Variants in TMPRSS15 observed in about 807,000 individuals in gnomAD.
TMPRSS15 encodes the protein transmembrane serine protease 15.
In TMPRSS15, 128 loss-of-function variants were observed where a neutral mutation model predicts 125.3. The observed-to-expected ratio is 1.02, with a 90% CI of 0.89 to 1.18. The LOEUF (loss-of-function observed/expected upper bound fraction) is 1.18. Among genes scored for constraint, TMPRSS15 ranks in the 50% most tolerant of loss-of-function variants. TMPRSS15 has a pLI of 0.00. For synonymous variants in TMPRSS15, 446 were observed against 423.2 expected (o/e 1.05, Z -0.66); for missense variants, 1,283 against 1,212.7 (o/e 1.06, Z -0.86).
In TMPRSS15 at chr21:18,341,449, G is replaced by T; in HGVS notation, c.1528C>A (p.Pro510Thr). 6.2e-7 allele frequency: 1 copy of T among 1,614,104 alleles called. No individual in the cohort carries two copies. The highest frequency in any genetic ancestry group is 8.5e-7 in the Non-Finnish European group (1 of 1,180,010). The change falls in exon 13 of 25, where the codon CCA becomes ACA. Residue 510 changes from proline to threonine, a missense_variant. Physicochemically the swap from Pro to Thr is conservative, Grantham distance 38 (BLOSUM62 -1). Transcript: ENST00000284885. Reference protein sequence around the residue: ...GICNGSLYPEPTLVPTPPPEL... With the variant: ...GICNGSLYPETTLVPTPPPEL... ...GGTGGAGGAGTTGGCACCAAAGTTG[G>T]TTCTGGATAAAGACTCCCATTGCAA...
At chr21:18,285,305 T>C (rs1421443246) in intron 21 of TMPRSS15, among the ~76,000 whole-genome samples, 2 of 152,196 alleles carry the variant, frequency 1.3e-5, no homozygotes, top group Non-Finnish European at 2.9e-5. Flanking sequence ...CATCAGGATG[T>C]CCATTTGTAA....
At chr21:18,393,792 G>C (rs1372663484) in intron 3 of TMPRSS15, among the ~76,000 whole-genome samples, 1 of 152,016 alleles carries the variant, frequency 6.6e-6, no homozygotes, top group Non-Finnish European at 1.5e-5. Flanking sequence ...TAACCCAAAG[G>C]TGCCCTTTGT....
At chr21:18,442,753 T>A (rs1056420235) in intron 1 of TMPRSS15, among the ~76,000 whole-genome samples, 6 of 152,240 alleles carry the variant, frequency 3.9e-5, no homozygotes, top group East Asian at 1.9e-4. Flanking sequence ...CAAGCTTAGA[T>A]AAAATATTTC....
chr21:18,398,114 T>C (rs1184217551), intron 2 of TMPRSS15, 85 bp downstream of exon 2: 36 of 1,495,172 alleles, frequency 2.4e-5, no homozygotes, highest in Non-Finnish European at 3.3e-5. Context: ...ATTTATTCTC[T>C]AGTTGTTTCA....
intron 1 of TMPRSS15, among the ~76,000 whole-genome samples, chr21:18,433,771 G>A (rs2076222016): frequency 6.6e-6 from 1 of 150,778 alleles, no homozygotes; most frequent in African/African-American, 2.4e-5. Flanking sequence ...CCTTCTAGCT[G>A]TTATTATTAA....
intron 6 of TMPRSS15, among the ~76,000 whole-genome samples, chr21:18,368,439 C>T (rs930535056): frequency 6.6e-6 from 1 of 152,158 alleles, no homozygotes; most frequent in Non-Finnish European, 1.5e-5. Flanking sequence ...GTGTCTATTT[C>T]CAAATATGGT....
chr21:18,336,209 G>T (rs1440337550), intron 13 of TMPRSS15, among the ~76,000 whole-genome samples: 2 of 152,026 alleles, frequency 1.3e-5, no homozygotes, highest in African/African-American at 4.8e-5. Context: ...CAATAAGAGG[G>T]TTTTAATTAA....
In TMPRSS15 at chr21:18,313,075, G is replaced by C. The variant is rs780801754; in HGVS notation, c.2035C>G (p.Arg679Gly). ...EDGSDEADCV[R>G]FFNGTTNNNG... ...TTGTTCGTTGTGCCATTGAAAAAAC[G>C]CACTAAAGACACAGAGAGCATAATG... The change falls in exon 18 of 25, where the codon CGT (arginine) becomes GGT (glycine). Residue 679 changes from arginine (R) to glycine (G), a missense_variant and splice_region_variant. Transcript: ENST00000284885. 6.2e-7 allele frequency: 1 copy of C among 1,611,614 alleles called. No individual in the cohort carries two copies. Among genetic ancestry groups the C allele is most frequent in the Non-Finnish European group, 8.5e-7 (1 of 1,177,922 alleles).
At chr21:18,445,167 C>G (rs923992061) in intron 1 of TMPRSS15, among the ~76,000 whole-genome samples, 1 of 150,932 alleles carries the variant, frequency 6.6e-6, no homozygotes, top group Admixed American at 6.6e-5. Context: ...TATATATACC[C>G]CATTTAAAAA....
chr21:18,300,891 C>T (rs2824723), intron 18 of TMPRSS15, among the ~76,000 whole-genome samples: 119,529 of 151,854 alleles, frequency 0.79, 47,175 homozygotes, highest in African/African-American at 0.83. Flanking sequence ...TGTTCCACCC[C>T]GAGATTTTCA....
intron 18 of TMPRSS15, among the ~76,000 whole-genome samples, chr21:18,300,095 G>A (rs1163484057): frequency 2.2e-5 from 3 of 134,992 alleles, no homozygotes; most frequent in African/African-American, 8.5e-5. Context: ...GTGGATTTTA[G>A]ACTCTTCACT....
At chr21:18,444,045 C>T (rs116934052) in intron 1 of TMPRSS15, among the ~76,000 whole-genome samples, 4 of 152,214 alleles carry the variant, frequency 2.6e-5, no homozygotes, top group East Asian at 1.9e-4. Context: ...TAGAAACATC[C>T]GGATGGCAGG....
intron 14 of TMPRSS15, among the ~76,000 whole-genome samples, chr21:18,330,290 A>T (rs138288474): frequency 6.6e-6 from 1 of 152,322 alleles, no homozygotes; most frequent in East Asian, 1.9e-4. Context: ...CTAATTGGCG[A>T]TGCTGATGAT....
intron 21 of TMPRSS15, among the ~76,000 whole-genome samples, chr21:18,283,314 G>A (rs1470423666): frequency 6.6e-6 from 1 of 152,028 alleles, no homozygotes; most frequent in Non-Finnish European, 1.5e-5. Context: ...TAGCCTGCCT[G>A]TTAAGACTGA....
chr21:18,477,990 A>G (rs1219133855), intron 1 of TMPRSS15, among the ~76,000 whole-genome samples: 1 of 152,026 alleles, frequency 6.6e-6, no homozygotes, highest in Non-Finnish European at 1.5e-5. Context: ...ATGGCCATTT[A>G]AATCTATAAA....
chr21:18,472,579 A>G (rs976628436), intron 1 of TMPRSS15, among the ~76,000 whole-genome samples: 4 of 151,896 alleles, frequency 2.6e-5, no homozygotes, highest in Admixed American at 6.6e-5. Flanking sequence ...ATAATTTTAC[A>G]AATCACTACA....
chr21:18,299,318 T>C (rs1458412891), intron 18 of TMPRSS15, among the ~76,000 whole-genome samples: 1 of 152,240 alleles, frequency 6.6e-6, no homozygotes, highest in Non-Finnish European at 1.5e-5. Flanking sequence ...ACTTCACAGA[T>C]GCAGAACACT....
At chr21:18,312,005 A>G (rs532344528) in intron 18 of TMPRSS15, among the ~76,000 whole-genome samples, 2 of 152,274 alleles carry the variant, frequency 1.3e-5, no homozygotes, top group African/African-American at 4.8e-5. Context: ...TTACAATAAT[A>G]CAAAATAGAC....
intron 1 of TMPRSS15, among the ~76,000 whole-genome samples, chr21:18,421,745 A>G (rs993021433): frequency 6.6e-6 from 1 of 152,222 alleles, no homozygotes; most frequent in African/African-American, 2.4e-5. Flanking sequence ...GTAAGACATG[A>G]ATAAGATTTT....
Sources: allele counts gnomAD v4.1 joint callset (sites outside exome capture counted in the v4.1 genomes callset), GRCh38; gene constraint gnomAD v4.1.1; transcripts MANE v1.5; gene names NCBI Gene and HGNC (gene_info 2026-07-23, HGNC 2026-07-21).